THADA: variants seen among roughly 807,000 people sequenced by gnomAD.
THADA encodes THADA armadillo repeat containing, also known as tRNA (32-2'-O)-methyltransferase regulator THADA.
In THADA, 213 loss-of-function variants were observed where a neutral mutation model predicts 219.8. The ratio of observed to expected loss-of-function variants is 0.97; its 90% CI spans 0.87 to 1.09. THADA has a LOEUF of 1.09. Among genes scored for constraint, THADA ranks in the 50% least tolerant of loss-of-function variants. The pLI, the probability that THADA is intolerant of heterozygous loss-of-function variation, is 0.00. For missense variants in THADA, 2,956 were observed against 2,311.3 expected (o/e 1.28, Z -5.72); for synonymous variants, 1,018 against 828.9 (o/e 1.23, Z -3.92).
chr2:43,431,421 G>A (rs1044718052), intron 26 of THADA, among the ~76,000 whole-genome samples: 11 of 151,936 alleles, frequency 7.2e-5, no homozygotes, highest in Non-Finnish European at 1.2e-4. Context: ...ATTACAGTTT[G>A]GTTTTGTCTA....
intron 30 of THADA, among the ~76,000 whole-genome samples, chr2:43,336,789 A>G (rs1339819033): frequency 6.6e-6 from 1 of 152,234 alleles, no homozygotes; most frequent in African/African-American, 2.4e-5. Flanking sequence ...GCATCAGCCA[A>G]TCTGCTACTT....
At chr2:43,411,643 A>G (rs903114463) in intron 28 of THADA, among the ~76,000 whole-genome samples, 2 of 152,206 alleles carry the variant, frequency 1.3e-5, no homozygotes, top group Non-Finnish European at 2.9e-5. Context: ...TTATTTTTCA[A>G]TATATTCCAA....
chr2:43,488,832 T>A (rs1489789700), intron 25 of THADA, among the ~76,000 whole-genome samples: 1 of 152,256 alleles, frequency 6.6e-6, no homozygotes, highest in East Asian at 1.9e-4. Context: ...TTTCTCCACA[T>A]CCTCCCTAAT....
intron 1 of THADA, chr2:43,592,909 A>G (rs1430210334): frequency 6.6e-6 from 1 of 152,240 alleles, no homozygotes; most frequent in African/African-American, 2.4e-5. Flanking sequence ...ATGAAAAAAA[A>G]TATTTTTTTA....
chr2:43,527,403 A>G (rs543495765), intron 22 of THADA, among the ~76,000 whole-genome samples: 4 of 152,334 alleles, frequency 2.6e-5, no homozygotes, highest in South Asian at 4.1e-4. Context: ...GTAGTTTTCC[A>G]GGTAAAAGGA....
At chr2:43,576,917 G>T in intron 10 of THADA, 105 bp downstream of exon 10, 1 of 970,006 alleles carries the variant, frequency 1.0e-6, no homozygotes, top group Non-Finnish European at 1.6e-6. Flanking sequence ...AGCCTACTGG[G>T]AGGGTAGCTG....
chr2:43,578,727 G>A, intron 8 of THADA, 120 bp from the exon 9 acceptor site: 2 of 529,106 alleles, frequency 3.8e-6, no homozygotes, highest in East Asian at 6.4e-5. Flanking sequence ...ACCACTTCCT[G>A]GGTGAATAGG....
chr2:43,491,845 G>A (rs7585346), intron 25 of THADA, among the ~76,000 whole-genome samples: 4,542 of 152,210 alleles, frequency 0.03, 144 homozygotes, highest in African/African-American at 0.082. Flanking sequence ...CACGAGGGAA[G>A]CACTTCCTGC....
intron 29 of THADA, among the ~76,000 whole-genome samples, chr2:43,363,747 A>G (rs762145083): frequency 3.6e-4 from 55 of 152,198 alleles, no homozygotes; most frequent in Non-Finnish European, 5.7e-4. Flanking sequence ...AATAACACAC[A>G]GTTCCTGAGG....
chr2:43,260,995 C>G (rs748734225), intron 36 of THADA, among the ~76,000 whole-genome samples: 1 of 150,520 alleles, frequency 6.6e-6, no homozygotes, highest in Non-Finnish European at 1.5e-5. Flanking sequence ...TAACTTTTAT[C>G]TAATATTTTG....
intron 8 of THADA, among the ~76,000 whole-genome samples, chr2:43,579,136 A>G (rs927416755): frequency 2.0e-5 from 3 of 152,176 alleles, no homozygotes; most frequent in African/African-American, 7.2e-5. Context: ...GGCTGAATAT[A>G]AAGGCTTTTA....
At position 43,593,858 on chromosome 2, in the gene THADA, C is replaced by G. The variant is rs1379395968; in HGVS notation, c.-24-1442G>C. ...TCATGTTAGCCAGGATGGTCTCGAT[C>G]TCCTGACCTCGTGATCCACCCACCT... On this transcript the variant is annotated intron_variant, in intron 1 of 37. Coordinates refer to ENST00000405975, the MANE Select transcript of THADA (RefSeq NM_022065.5). 5.3e-5 allele frequency among the ~76,000 whole-genome samples: 8 copies of G among 152,212 alleles called. No individual in the cohort carries two copies. In the South Asian group the frequency reaches 1.0e-3, roughly 20 times the overall value.
intron 34 of THADA, among the ~76,000 whole-genome samples, chr2:43,287,916 T>A (rs76654194): frequency 6.0e-4 from 92 of 152,320 alleles, no homozygotes; most frequent in Non-Finnish European, 1.1e-3. Flanking sequence ...CTTTATTTCT[T>A]GGGTTTCCCC....
intron 28 of THADA, among the ~76,000 whole-genome samples, chr2:43,415,618 T>C (rs555128374): frequency 6.6e-6 from 1 of 152,256 alleles, no homozygotes; most frequent in South Asian, 2.1e-4. Flanking sequence ...TGGGCCAGGG[T>C]GGGTGGCCAA....
chr2:43,451,144 T>C (rs1682264456), intron 26 of THADA, among the ~76,000 whole-genome samples: 1 of 152,144 alleles, frequency 6.6e-6, no homozygotes, highest in Admixed American at 6.6e-5. Flanking sequence ...TGCTATTAAA[T>C]TAAAACAAAG....
intron 21 of THADA, among the ~76,000 whole-genome samples, chr2:43,537,311 C>A (rs981031686): frequency 6.6e-6 from 1 of 152,114 alleles, no homozygotes; most frequent in African/African-American, 2.4e-5. Flanking sequence ...TGTCTGGTAT[C>A]CTCTATTGTA....
rs113134153 is a variant in THADA, at chr2:43,495,618, C to T, written c.3744+3215G>A. The stretch of plus-strand genomic sequence containing the variant: ...ACTGTTTAGGGTCTCAAAAAATAGT[C>T]TTTTCAAAAAAAAAATGAATCACTC... On this transcript the variant is annotated intron_variant, in intron 25 of 37. Transcript: ENST00000405975. Among the ~76,000 whole-genome samples, 1,080 of 151,788 alleles carry T rather than the reference C, an allele frequency of 7.1e-3. 14 individuals carry two copies. Among genetic ancestry groups the T allele is most frequent in the African/African-American group, 0.025 (1,032 of 41,420 alleles).
chr2:43,528,034 C>A (rs753521315), intron 21 of THADA, 46 bp from the exon 22 acceptor site: 4 of 1,423,336 alleles, frequency 2.8e-6, no homozygotes, highest in Non-Finnish European at 3.9e-6. Context: ...TGTTTACATT[C>A]GCAAGTGTAT....
chr2:43,266,139 A>C (rs1209053802), intron 36 of THADA, among the ~76,000 whole-genome samples: 1 of 152,090 alleles, frequency 6.6e-6, no homozygotes, highest in Non-Finnish European at 1.5e-5. Context: ...ACCTGACCCT[A>C]CAGGCTCATC....
Sources: allele counts gnomAD v4.1 joint callset (sites outside exome capture counted in the v4.1 genomes callset), GRCh38; gene constraint gnomAD v4.1.1; transcripts MANE v1.5; gene names NCBI Gene and HGNC (gene_info 2026-07-23, HGNC 2026-07-21).